The following WDR72 variants were observed in gnomAD, a reference collection of about 807,000 sequenced individuals.
The protein encoded by WDR72 is WD repeat-containing protein 72.
WDR72 carries 120 observed loss-of-function variants against 124.2 expected under a neutral mutation model. The ratio of observed to expected loss-of-function variants is 0.97; its 90% CI spans 0.83 to 1.12. The LOEUF (loss-of-function observed/expected upper bound fraction) is 1.12, where lower values mean the gene tolerates loss of function less well. WDR72 is among the 50% of genes most tolerant of loss of function. WDR72 has a pLI of 0.00. For synonymous variants in WDR72, 452 were observed against 441.7 expected (o/e 1.02, Z -0.29); for missense variants, 1,387 against 1,278.8 (o/e 1.08, Z -1.29).
At chr15:53,715,079 G>A (rs2017665418) in intron 5 of WDR72, 114 bp downstream of exon 5, 1 of 1,149,534 alleles carries the variant, frequency 8.7e-7, no homozygotes, top group Admixed American at 2.1e-5. Context: ...TCATTAACAG[G>A]TAAGCATAAA....
intron 13 of WDR72, among the ~76,000 whole-genome samples, chr15:53,695,741 C>T (rs1165374242): frequency 6.6e-6 from 1 of 152,166 alleles, no homozygotes; most frequent in Non-Finnish European, 1.5e-5. Context: ...CTCACTATGC[C>T]ACCTATCACA....
At chr15:53,702,505 A>G in intron 11 of WDR72, 151 bp from the exon 12 acceptor site, 2 of 660,356 alleles carry the variant, frequency 3.0e-6, no homozygotes, top group Admixed American at 5.4e-5. Context: ...TCCTTAGATC[A>G]TCTTGAAAAA....
chr15:53,732,862 T>A lies in WDR72; in HGVS notation c.153+135A>T, dbSNP rs2018240910. On this transcript the variant is annotated intron_variant, in intron 2 of 19. Coordinates refer to ENST00000360509, the MANE Select transcript of WDR72 (RefSeq NM_182758.4). ...ACTTTATTTTCTCAAAATTCAGAAG[T>A]AAAATCAATTTATTACTTTAATAAA... The A allele has an allele frequency of 3.7e-6, 4 of 1,072,044 alleles. No individual in the cohort carries two copies. The South Asian group carries it at 5.3e-5, about 14-fold the overall frequency. 66.4% of individuals were successfully genotyped at this position (1,072,044 alleles called of 1,614,324 possible).
At chr15:53,696,591 C>T (rs538644430) in intron 13 of WDR72, among the ~76,000 whole-genome samples, 1 of 152,240 alleles carries the variant, frequency 6.6e-6, no homozygotes, top group African/African-American at 2.4e-5. Flanking sequence ...GGCTTTAGTT[C>T]GTATTTTCCC....
At chr15:53,675,855 T>C (rs576330984) in intron 13 of WDR72, among the ~76,000 whole-genome samples, 1 of 152,274 alleles carries the variant, frequency 6.6e-6, no homozygotes, top group Non-Finnish European at 1.5e-5. Flanking sequence ...TGAAGTCCTA[T>C]GAGAGTTATT....
chr15:53,690,880 A>G (rs1451086525), intron 13 of WDR72, among the ~76,000 whole-genome samples: 1 of 152,162 alleles, frequency 6.6e-6, no homozygotes, highest in Non-Finnish European at 1.5e-5. Context: ...GAAATGTCAT[A>G]CAGTTTCTAC....
chr15:53,677,627 T>C (rs1050598163), intron 13 of WDR72, among the ~76,000 whole-genome samples: 1 of 152,158 alleles, frequency 6.6e-6, no homozygotes, highest in African/African-American at 2.4e-5. Context: ...ACACTCTCTT[T>C]TTCCTGCTGC....
intron 19 of WDR72, among the ~76,000 whole-genome samples, chr15:53,518,797 A>C (rs1891618911): frequency 6.6e-6 from 1 of 152,024 alleles, no homozygotes; most frequent in Non-Finnish European, 1.5e-5. Context: ...GGCTTTTCAC[A>C]GTATAGTATC....
At chr15:53,679,928 T>C (rs2140477072) in intron 13 of WDR72, among the ~76,000 whole-genome samples, 1 of 132,986 alleles carries the variant, frequency 7.5e-6, no homozygotes, top group East Asian at 2.3e-4. Flanking sequence ...TAATCAAACA[T>C]GCTATATATC....
At position 53,710,861 on chromosome 15, in the gene WDR72, T is replaced by C. The variant is rs1315305967; in HGVS notation, c.950A>G (p.Asn317Ser). 2 of 1,611,762 alleles carry C rather than the reference T, an allele frequency of 1.2e-6. No individual in the cohort carries two copies. Among genetic ancestry groups the C allele is most frequent in the Non-Finnish European group, 1.7e-6 (2 of 1,178,034 alleles). The change falls in exon 9 of 20, where the codon AAT becomes AGT. Residue 317 changes from asparagine to serine, a missense_variant. Asn to Ser is a conservative substitution (Grantham distance 46). Transcript: ENST00000360509. ...HLLCSTSVQE[N>S]KEQSRPFVMG... The stretch of plus-strand genomic sequence containing the variant: ...GTCACTCTTTTCTTGCATTACCTTA[T>C]TTTCCTGCACAGAAGTAGAGCACAG...
chr15:53,690,095 C>T (rs1306295152), intron 13 of WDR72, among the ~76,000 whole-genome samples: 3 of 149,468 alleles, frequency 2.0e-5, no homozygotes, highest in East Asian at 2.0e-4. Context: ...AGGGATAGCA[C>T]TGGGAGATAT....
chr15:53,712,929 G>T, intron 6 of WDR72, 38 bp from the exon 7 acceptor site: 1 of 1,609,844 alleles, frequency 6.2e-7, no homozygotes, highest in Non-Finnish European at 8.5e-7. Flanking sequence ...ACTAGTTCCA[G>T]GTAATTCATA....
chr15:53,585,493 C>T (rs536808353), intron 18 of WDR72, among the ~76,000 whole-genome samples: 6 of 151,978 alleles, frequency 3.9e-5, no homozygotes, highest in African/African-American at 1.2e-4. Context: ...GACACAGAGT[C>T]AAACCATATA....
intron 14 of WDR72, among the ~76,000 whole-genome samples, chr15:53,649,078 A>G (rs1296299283): frequency 6.6e-6 from 1 of 152,150 alleles, no homozygotes. Context: ...CTTGTGGCCT[A>G]TTATAGTCAA....
rs962816728 is a variant in WDR72 at position 53,560,556 on chromosome 15, G to A, written c.3148+36523C>T. 3.3e-5 allele frequency among the ~76,000 whole-genome samples: 5 copies of A among 151,696 alleles called. 1 individual carries two copies. The highest frequency in any genetic ancestry group is 1.2e-4 in the African/African-American group (5 of 41,332). On this transcript the variant is annotated intron_variant, in intron 18 of 19. Coordinates refer to ENST00000360509, the MANE Select transcript of WDR72 (RefSeq NM_182758.4). Reference sequence around the variant, plus strand: ...CCAGGATATTCACTGCCATGACCCCGATACACCAGGTTATTTTTTTTCCAA... The same window carrying A: ...CCAGGATATTCACTGCCATGACCCCAATACACCAGGTTATTTTTTTTCCAA...
chr15:53,639,177 T>C (rs2014739009), intron 14 of WDR72, among the ~76,000 whole-genome samples: 1 of 152,068 alleles, frequency 6.6e-6, no homozygotes, highest in South Asian at 2.1e-4. Flanking sequence ...TCCTACCACA[T>C]CCTTTCCTTC....
rs1289245562 is a variant in WDR72 at position 53,545,552 on chromosome 15, T to C, written c.3149-22230A>G. 1.1e-4 allele frequency among the ~76,000 whole-genome samples: 17 copies of C among 152,006 alleles called. No homozygotes were observed. In the East Asian group the frequency reaches 3.3e-3, roughly 29 times the overall value. On this transcript the variant is annotated intron_variant, in intron 18 of 19. Coordinates refer to ENST00000360509, the MANE Select transcript of WDR72 (RefSeq NM_182758.4). ...GACTTAAACGTTAGACCTAAAACCA[T>C]AAAAACCCTAGAAGCAAACCTAGGC... is the stretch of plus-strand genomic sequence containing the variant.
intron 2 of WDR72, among the ~76,000 whole-genome samples, chr15:53,724,402 A>G (rs2017961906): frequency 6.6e-6 from 1 of 152,204 alleles, no homozygotes. Context: ...ACCTGAGACC[A>G]AGTAATTCAT....
chr15:53,750,642 T>G (rs1009854540), intron 1 of WDR72, among the ~76,000 whole-genome samples: 5 of 152,170 alleles, frequency 3.3e-5, no homozygotes, highest in Admixed American at 3.3e-4. Context: ...TTGAAAACTT[T>G]CTGGAAAAGG....
Sources: gnomAD v4.1 joint callset for allele counts (sites outside exome capture counted in the v4.1 genomes callset) on GRCh38, gnomAD v4.1.1 for gene constraint, MANE v1.5 for transcripts, NCBI Gene and HGNC (gene_info 2026-07-23, HGNC 2026-07-21) for gene names.